The following CSMD1 variants were observed in gnomAD, a reference collection of about 807,000 sequenced individuals.
CSMD1 encodes the protein CUB and Sushi multiple domains 1.
A neutral mutation model predicts 417.5 loss-of-function variants in CSMD1; 213 were observed. The observed-to-expected ratio is 0.51, with a 90% CI of 0.46 to 0.57. The LOEUF is 0.57. Among genes scored for constraint, CSMD1 ranks in the 20% least tolerant of loss-of-function variants. The pLI is 0.00. For synonymous variants in CSMD1, 2,862 were observed against 1,736.8 expected (o/e 1.65, Z -16.11); for missense variants, 6,923 against 4,529.7 (o/e 1.53, Z -15.17).
At chr8:2,987,929 G>A (rs2128945232) in intron 54 of CSMD1, among the ~76,000 whole-genome samples, 1 of 152,290 alleles carries the variant, frequency 6.6e-6, no homozygotes, top group South Asian at 2.1e-4. Context: ...TGCAGGATGT[G>A]CAGGTTTGTT....
At chr8:3,857,036 C>T (rs530072570) in intron 5 of CSMD1, among the ~76,000 whole-genome samples, 9 of 151,896 alleles carry the variant, frequency 5.9e-5, no homozygotes, top group South Asian at 4.2e-4. Context: ...AAATATATAT[C>T]GAGGGCTTCT....
rs549026701 is a variant in CSMD1 at position 4,394,970 on chromosome 8, TCA to T, written c.415+24981_415+24982del. 2.8e-4 allele frequency among the ~76,000 whole-genome samples: 42 copies of T among 152,260 alleles called. No individual in the cohort carries two copies. In the East Asian group the frequency reaches 7.2e-3, roughly 26 times the overall value. On this transcript the variant is annotated intron_variant, in intron 3 of 69. Transcript: ENST00000635120. Reference sequence around the variant, plus strand: ...GAAGTTAAGAAAGGGAAGAGTTAATTCACAGTTAAGAAAGGGAAGAGGCACAG... The same window carrying T: ...GAAGTTAAGAAAGGGAAGAGTTAATTCAGTTAAGAAAGGGAAGAGGCACAG...
intron 5 of CSMD1, among the ~76,000 whole-genome samples, chr8:3,836,261 C>G (rs1016221637): frequency 6.6e-6 from 1 of 152,108 alleles, no homozygotes; most frequent in Admixed American, 6.6e-5. Flanking sequence ...TCTTATTTCA[C>G]AATGTGGCAT....
chr8:3,195,550 T>C (rs954642462), intron 33 of CSMD1, among the ~76,000 whole-genome samples: 3 of 152,170 alleles, frequency 2.0e-5, no homozygotes, highest in African/African-American at 7.2e-5. Flanking sequence ...TAAGAATATG[T>C]TGATTTTCGG....
At chr8:4,744,052 T>C (rs1391007017) in intron 1 of CSMD1, among the ~76,000 whole-genome samples, 2 of 152,218 alleles carry the variant, frequency 1.3e-5, no homozygotes, top group African/African-American at 4.8e-5. Context: ...CCCGTTTTTC[T>C]TATGCGGCTT....
intron 4 of CSMD1, among the ~76,000 whole-genome samples, chr8:4,011,478 A>C (rs1229839657): frequency 6.6e-6 from 1 of 152,106 alleles, no homozygotes; most frequent in Non-Finnish European, 1.5e-5. Flanking sequence ...TAACCTTGTT[A>C]CATCCTCTCT....
intron 25 of CSMD1, among the ~76,000 whole-genome samples, chr8:3,296,230 C>G (rs569523858): frequency 5.3e-5 from 8 of 151,758 alleles, no homozygotes; most frequent in Non-Finnish European, 7.4e-5. Context: ...TTGGTGCAGC[C>G]TTGAAGGAGT....
At chr8:3,966,059 G>A (rs189897816) in intron 5 of CSMD1, among the ~76,000 whole-genome samples, 2 of 152,280 alleles carry the variant, frequency 1.3e-5, no homozygotes, top group African/African-American at 4.8e-5. Flanking sequence ...AATGACTCTA[G>A]AATAAAATAA....
At chr8:4,187,994 T>C (rs1798784225) in intron 3 of CSMD1, among the ~76,000 whole-genome samples, 1 of 152,120 alleles carries the variant, frequency 6.6e-6, no homozygotes, top group African/African-American at 2.4e-5. Context: ...GTTTATCTCC[T>C]AAAAAGCCAA....
chr8:3,714,964 T>C (rs1801743565), intron 6 of CSMD1, among the ~76,000 whole-genome samples: 1 of 152,166 alleles, frequency 6.6e-6, no homozygotes, highest in Non-Finnish European at 1.5e-5. Flanking sequence ...TCTAGGAGCA[T>C]TTACACTATA....
chr8:3,794,905 C>G (rs1425276840), intron 5 of CSMD1, among the ~76,000 whole-genome samples: 1 of 151,682 alleles, frequency 6.6e-6, no homozygotes, highest in Admixed American at 6.6e-5. Context: ...GTAATGGTTT[C>G]CTACCCATTT....
At chr8:3,711,757 A>T (rs4355798) in intron 6 of CSMD1, among the ~76,000 whole-genome samples, 50,176 of 152,092 alleles carry the variant, frequency 0.33, 8,446 homozygotes, top group East Asian at 0.49. Context: ...CACCCCCACT[A>T]TCTTGTGCTG....
intron 7 of CSMD1, among the ~76,000 whole-genome samples, chr8:3,629,862 T>A (rs1796690262): frequency 6.6e-6 from 1 of 152,194 alleles, no homozygotes; most frequent in Admixed American, 6.5e-5. Context: ...CAAACAAAAC[T>A]AGTTGTACAG....
intron 3 of CSMD1, among the ~76,000 whole-genome samples, chr8:4,249,370 A>C (rs991036686): frequency 2.0e-5 from 3 of 152,232 alleles, no homozygotes; most frequent in Non-Finnish European, 4.4e-5. Flanking sequence ...CGGATGTTTC[A>C]TGTAGCATAT....
intron 5 of CSMD1, among the ~76,000 whole-genome samples, chr8:3,885,855 A>C (rs2627358): frequency 6.6e-6 from 1 of 152,124 alleles, no homozygotes; most frequent in African/African-American, 2.4e-5. Flanking sequence ...TCTGTGAACA[A>C]AACAATTTGC....
chr8:4,761,912 AATCTATCTATCT>A lies in CSMD1; in HGVS notation c.86-124366_86-124355del, dbSNP rs60693169. 1.2e-4 allele frequency among the ~76,000 whole-genome samples: 12 copies of A among 101,310 alleles called. No homozygotes were observed. The South Asian group carries it at 1.4e-3, about 12-fold the overall frequency. The allele number at this position is 101,310 out of a possible 152,430, so 66.5% of individuals were successfully genotyped here. A position where few individuals can be genotyped will look rare whatever the true frequency, so the allele number is the denominator to read the frequency against. On this transcript the variant is annotated intron_variant, in intron 1 of 69. Coordinates refer to ENST00000635120, the MANE Select transcript of CSMD1 (RefSeq NM_033225.6). ...CTACCTACCTATCTATCTATCTATC[AATCTATCTATCT>A]ATCTATCTATCTATCTATCTATCTA... is the stretch of plus-strand genomic sequence containing the variant.
In CSMD1 at chr8:2,951,339, T is replaced by C. The variant is rs777689178; in HGVS notation, c.10040-64A>G. Reference sequence around the variant, plus strand: ...CACAAACAATAAATTCAGACATTATTAAACACAGAAGGCATCATACTGCTT... The same window carrying C: ...CACAAACAATAAATTCAGACATTATCAAACACAGAAGGCATCATACTGCTT... On this transcript the variant is annotated intron_variant, in intron 65 of 69. Transcript: ENST00000635120. The C allele has an allele frequency of 1.4e-5, 20 of 1,479,164 alleles. No homozygotes were observed. In the Admixed American group the frequency reaches 1.7e-4, roughly 13 times the overall value. 91.6% of individuals were successfully genotyped at this position (1,479,164 alleles called of 1,614,324 possible).
Position 4,419,329 on chromosome 8 carries a change from C to G in CSMD1, c.415+624G>C, listed in dbSNP as rs986629257. Among the ~76,000 whole-genome samples, 5 of 152,048 alleles carry G rather than the reference C, an allele frequency of 3.3e-5. No homozygotes were observed. In the East Asian group the frequency reaches 7.7e-4, roughly 23 times the overall value. On this transcript the variant is annotated intron_variant, in intron 3 of 69. Transcript: ENST00000635120. ...ATTAACTAGTTCAATTTCTTAAAACCTAATACTTGAAATGATAATTTCCTT... is the reference window on the plus strand; with the variant it reads ...ATTAACTAGTTCAATTTCTTAAAACGTAATACTTGAAATGATAATTTCCTT...
At chr8:3,668,612 C>T (rs1798827028) in intron 7 of CSMD1, among the ~76,000 whole-genome samples, 1 of 151,850 alleles carries the variant, frequency 6.6e-6, no homozygotes. Context: ...GAGACGAAGC[C>T]CTGGGGAGAA....
Sources: allele counts gnomAD v4.1 joint callset (sites outside exome capture counted in the v4.1 genomes callset), GRCh38; gene constraint gnomAD v4.1.1; transcripts MANE v1.5; gene names NCBI Gene and HGNC (gene_info 2026-07-23, HGNC 2026-07-21).